VSTM2L: variants seen among roughly 807,000 people sequenced by gnomAD.
VSTM2L encodes V-set and transmembrane domain containing 2 like.
In VSTM2L, 9 loss-of-function variants were observed where a neutral mutation model predicts 19.9. The observed-to-expected ratio is 0.45, with a 90% CI of 0.27 to 0.79. VSTM2L has a LOEUF of 0.79. Ranked by LOEUF, VSTM2L falls within the 30% of genes least tolerant of loss-of-function variation. The probability of loss-of-function intolerance (pLI) is 0.15; values close to 1 mark genes in which losing one functional copy is unlikely to be tolerated. For synonymous variants in VSTM2L, 127 were observed against 133.8 expected, an observed-to-expected ratio of 0.95 and a Z score of 0.35; for missense variants, 286 against 295.5, an observed-to-expected ratio of 0.97 and a Z score of 0.24.
At chr20:37,935,930 G>A (rs2072937267) in intron 3 of VSTM2L, among the ~76,000 whole-genome samples, 1 of 150,540 alleles carries the variant, frequency 6.6e-6, no homozygotes, top group Admixed American at 6.6e-5. Context: ...TGTCACCCAG[G>A]CTGGAGTGCA....
chr20:37,935,682 G>A (rs1005669193), intron 3 of VSTM2L, among the ~76,000 whole-genome samples: 5 of 152,166 alleles, frequency 3.3e-5, no homozygotes, highest in Admixed American at 1.3e-4. Context: ...GTCGTTATCC[G>A]CTTGTGTGAG....
Position 37,903,413 on chromosome 20 carries a change from C to A in VSTM2L, c.63C>A (p.Leu21=). 6.7e-7 allele frequency: 1 copy of A among 1,489,024 alleles called. No homozygotes were observed. 92.2% of individuals were successfully genotyped at this position (1,489,024 alleles called of 1,614,324 possible). A position where few individuals can be genotyped will look rare whatever the true frequency, so the allele number is the denominator to read the frequency against. The change falls in exon 1 of 4, where the codon CTC becomes CTA. Residue 21 remains leucine (L), a synonymous_variant. Transcript: ENST00000373461. Reference sequence around the variant, plus strand: ...ACTACCTGGCACTTTTCCTGCAACTCGGCGGCGCCACGCGGCCCGCCGGCC... The same window carrying A: ...ACTACCTGGCACTTTTCCTGCAACTAGGCGGCGCCACGCGGCCCGCCGGCC... ...ALHYLALFLQ[L]GGATRPAGHA...
intron 3 of VSTM2L, among the ~76,000 whole-genome samples, chr20:37,942,992 T>G (rs2072981685): frequency 6.6e-6 from 1 of 152,206 alleles, no homozygotes; most frequent in South Asian, 2.1e-4. Flanking sequence ...TGAGACGGAG[T>G]CTCGCGCTGT....
intron 3 of VSTM2L, among the ~76,000 whole-genome samples, chr20:37,936,910 T>C (rs1325308898): frequency 6.6e-6 from 1 of 150,590 alleles, no homozygotes; most frequent in African/African-American, 2.4e-5. Flanking sequence ...GCGAGCAGGA[T>C]GTGGGCAAGG....
chr20:37,916,770 G>A (rs1337707826), intron 1 of VSTM2L, among the ~76,000 whole-genome samples: 8 of 152,226 alleles, frequency 5.3e-5, no homozygotes, highest in Admixed American at 1.3e-4. Flanking sequence ...TGATGTGTGC[G>A]ACAATGGTAG....
intron 1 of VSTM2L, among the ~76,000 whole-genome samples, chr20:37,918,450 C>T (rs1029442671): frequency 6.6e-6 from 1 of 152,220 alleles, no homozygotes; most frequent in South Asian, 2.1e-4. Flanking sequence ...GATTGAGGCT[C>T]ATAGCCTTCA....
intron 1 of VSTM2L, among the ~76,000 whole-genome samples, chr20:37,930,316 G>C (rs2072901269): frequency 6.6e-6 from 1 of 152,168 alleles, no homozygotes; most frequent in Non-Finnish European, 1.5e-5. Flanking sequence ...CTGAATCTAG[G>C]ATTTCACCTC....
At chr20:37,930,258 G>A (rs6013469) in intron 1 of VSTM2L, among the ~76,000 whole-genome samples, 53,526 of 152,068 alleles carry the variant, frequency 0.35, 11,001 homozygotes, top group African/African-American at 0.57. Flanking sequence ...CATCACCTTC[G>A]GTATCCTGGG....
intron 1 of VSTM2L, among the ~76,000 whole-genome samples, chr20:37,927,486 A>G (rs555838975): frequency 1.0e-3 from 157 of 152,262 alleles, no homozygotes; most frequent in Non-Finnish European, 1.6e-3. Flanking sequence ...CCGGTGGAGA[A>G]GTGGCCGTGT....
chr20:37,935,311 G>A (rs917187588), intron 3 of VSTM2L, among the ~76,000 whole-genome samples: 1 of 152,204 alleles, frequency 6.6e-6, no homozygotes, highest in African/African-American at 2.4e-5. Context: ...CATGGGCCAA[G>A]CTCCTCGTGC....
At chr20:37,936,668 C>T (rs930873871) in intron 3 of VSTM2L, among the ~76,000 whole-genome samples, 3 of 152,134 alleles carry the variant, frequency 2.0e-5, no homozygotes, top group African/African-American at 7.2e-5. Flanking sequence ...AGGCGGGGAC[C>T]GTGAGGACAC....
At chr20:37,936,867 A>G (rs544532770) in intron 3 of VSTM2L, among the ~76,000 whole-genome samples, 1 of 152,202 alleles carries the variant, frequency 6.6e-6, no homozygotes, top group African/African-American at 2.4e-5. Flanking sequence ...GTTAACGTGA[A>G]TTTGTGACTC....
At chr20:37,938,537 A>T (rs536838171) in intron 3 of VSTM2L, among the ~76,000 whole-genome samples, 1 of 152,312 alleles carries the variant, frequency 6.6e-6, no homozygotes, top group Admixed American at 6.5e-5. Flanking sequence ...TGGCTGGAAG[A>T]CGATCCCAGC....
chr20:37,911,301 C>T (rs2072778364), intron 1 of VSTM2L, among the ~76,000 whole-genome samples: 4 of 150,614 alleles, frequency 2.7e-5, no homozygotes, highest in Admixed American at 2.6e-4. Flanking sequence ...GAAGGACACT[C>T]ACCTGTGGGG....
intron 1 of VSTM2L, among the ~76,000 whole-genome samples, chr20:37,926,065 TTTG>T (rs1247571120): frequency 1.3e-5 from 2 of 152,166 alleles, no homozygotes; most frequent in Non-Finnish European, 2.9e-5. Flanking sequence ...GAGCCCTTTT[TTTG>T]TTTGTTTTTT....
rs776219820 is a variant in VSTM2L at position 37,944,065 on chromosome 20, C to T, written c.427C>T (p.Arg143Cys). The change falls in exon 4 of 4, where the codon CGC becomes TGC. Residue 143 changes from arginine (R) to cysteine (C), a missense_variant. Arg to Cys is a radical substitution (Grantham distance 180, BLOSUM62 -3). Transcript: ENST00000373461. ...CACGGACGAAGGCACCTACGAGTGC[C>T]GCGTCATCGACTTCAGCGACGGCAA... ...KPTDEGTYEC[R>C]VIDFSDGKAR... The T allele has an allele frequency of 1.2e-5, 20 of 1,612,572 alleles. No individual in the cohort carries two copies. The highest frequency in any genetic ancestry group is 2.2e-5 in the East Asian group (1 of 44,814).
chr20:37,921,368 AG>A (rs2072850120), intron 1 of VSTM2L, among the ~76,000 whole-genome samples: 4 of 152,136 alleles, frequency 2.6e-5, no homozygotes, highest in African/African-American at 9.7e-5. Context: ...TTTGACCCTG[AG>A]GGCTGGTAGT....
At chr20:37,943,361 A>G (rs2072984645) in intron 3 of VSTM2L, among the ~76,000 whole-genome samples, 1 of 151,656 alleles carries the variant, frequency 6.6e-6, no homozygotes, top group South Asian at 2.1e-4. Flanking sequence ...TGCAAGCCTC[A>G]AACTCCTGGG....
At chr20:37,903,512 C>G (rs1388023652) in intron 1 of VSTM2L, 41 bp downstream of exon 1, 22 of 1,432,078 alleles carry the variant, frequency 1.5e-5, no homozygotes, top group Non-Finnish European at 1.8e-6. Context: ...CCCACCAAAC[C>G]CCAACCCGGG....
Sources: allele counts gnomAD v4.1 joint callset (sites outside exome capture counted in the v4.1 genomes callset), GRCh38; gene constraint gnomAD v4.1.1; transcripts MANE v1.5; gene names NCBI Gene and HGNC (gene_info 2026-07-23, HGNC 2026-07-21).